DNAH9: variants seen among roughly 807,000 people sequenced by gnomAD.
DNAH9 encodes DNAH9 variant protein.
A neutral mutation model predicts 471.6 loss-of-function variants in DNAH9; 345 were observed. That is an observed-to-expected ratio of 0.73 (90% CI 0.67 to 0.80). The LOEUF is 0.80. Among genes scored for constraint, DNAH9 ranks in the 30% least tolerant of loss-of-function variants. The pLI is 0.00. For missense variants in DNAH9, 5,407 were observed against 5,609.2 expected (o/e 0.96, Z 1.15); for synonymous variants, 2,093 against 2,123.6 (o/e 0.99, Z 0.40).
At position 11,832,870 on chromosome 17, in the gene DNAH9, G is replaced by A. The variant is rs191897387; in HGVS notation, c.9247-1768G>A. 3.9e-5 allele frequency among the ~76,000 whole-genome samples: 6 copies of A among 152,266 alleles called. No individual in the cohort carries two copies. The East Asian group carries it at 1.2e-3, about 29-fold the overall frequency. On this transcript the variant is annotated intron_variant, in intron 48 of 68. Coordinates refer to ENST00000262442, the MANE Select transcript of DNAH9 (RefSeq NM_001372.4). The stretch of plus-strand genomic sequence containing the variant: ...ATGGGCCGTATTGCAAATACAAATA[G>A]CTTCTTTACTTTCTAGAAATAAATA...
At chr17:11,744,361 C>A (rs780570819) in intron 30 of DNAH9, among the ~76,000 whole-genome samples, 1 of 152,134 alleles carries the variant, frequency 6.6e-6, no homozygotes, top group Non-Finnish European at 1.5e-5. Flanking sequence ...TTTGACAGAA[C>A]CCACTTTAAG....
intron 60 of DNAH9, among the ~76,000 whole-genome samples, chr17:11,905,349 C>T (rs1005521367): frequency 6.6e-6 from 1 of 152,118 alleles, no homozygotes; most frequent in African/African-American, 2.4e-5. Context: ...TCTGAAGGTA[C>T]TGGCGCTAAC....
intron 40 of DNAH9, 63 bp downstream of exon 40, chr17:11,783,811 TTATAAG>T (rs1050976103): frequency 8.1e-5 from 111 of 1,370,036 alleles, no homozygotes; most frequent in Non-Finnish European, 1.1e-4. Flanking sequence ...TGCCCCTTGA[TTATAAG>T]TATAATAATT....
intron 68 of DNAH9, among the ~76,000 whole-genome samples, chr17:11,965,442 CTT>C (rs1178111405): frequency 6.6e-6 from 1 of 152,210 alleles, no homozygotes; most frequent in African/African-American, 2.4e-5. Flanking sequence ...AGAATATAGA[CTT>C]TACAGAATCA....
chr17:11,654,696 A>C (rs1174711571), intron 14 of DNAH9, among the ~76,000 whole-genome samples: 2 of 152,196 alleles, frequency 1.3e-5, no homozygotes, highest in Non-Finnish European at 2.9e-5. Context: ...GTTGATATTT[A>C]TCTAGTATCT....
intron 58 of DNAH9, among the ~76,000 whole-genome samples, chr17:11,893,859 C>T (rs1271448996): frequency 6.6e-6 from 1 of 152,090 alleles, no homozygotes; most frequent in African/African-American, 2.4e-5. Context: ...GCACATGTAT[C>T]CCAGAACTTA....
At chr17:11,943,095 C>A (rs935117177) in intron 67 of DNAH9, among the ~76,000 whole-genome samples, 1 of 151,624 alleles carries the variant, frequency 6.6e-6, no homozygotes, top group Non-Finnish European at 1.5e-5. Flanking sequence ...GGGGTTTCAC[C>A]GTGTTAGCCA....
Position 11,937,387 on chromosome 17 carries a change from C to T in DNAH9, c.12525C>T (p.Tyr4175=). Residue 4175 remains tyrosine (Y), a synonymous_variant, in exon 66 of 69, where the codon TAC becomes TAT. Coordinates refer to ENST00000262442, the MANE Select transcript of DNAH9 (RefSeq NM_001372.4). The surrounding 1 kb of genome is among the most constrained non-coding windows in gnomAD (Gnocchi z 4.1). ...IDAELPPESP[Y]LYGLHPNAEI... ...CTGAGCTGCCCCCAGAATCCCCCTA[C>T]CTCTATGGCCTCCACCCGAACGCAG... The T allele has an allele frequency of 6.2e-7, 1 of 1,613,880 alleles. No homozygotes were observed. The highest frequency in any genetic ancestry group is 2.2e-5 in the East Asian group (1 of 44,872).
chr17:11,760,166 T>C (rs1967602730), intron 35 of DNAH9, among the ~76,000 whole-genome samples: 1 of 152,230 alleles, frequency 6.6e-6, no homozygotes, highest in Non-Finnish European at 1.5e-5. Context: ...AAACTCAGGT[T>C]GATTCCATGA....
In DNAH9 at chr17:11,719,329, G is replaced by A; in HGVS notation, c.5553-5G>A. Reference sequence around the variant, plus strand: ...TGATGACCTATGCCCTCCCGTGTTTGGCAGGTGCTACATCACCCTCACCCA... The same window carrying A: ...TGATGACCTATGCCCTCCCGTGTTTAGCAGGTGCTACATCACCCTCACCCA... On this transcript the variant is annotated splice_polypyrimidine_tract_variant and splice_region_variant and intron_variant, in intron 26 of 68. Coordinates refer to ENST00000262442, the MANE Select transcript of DNAH9 (RefSeq NM_001372.4). 1 of 1,613,550 alleles carries A rather than the reference G, an allele frequency of 6.2e-7. No individual in the cohort carries two copies. Among genetic ancestry groups the A allele is most frequent in the East Asian group, 2.2e-5 (1 of 44,850 alleles).
chr17:11,603,730 G>A (rs1041896007), intron 1 of DNAH9, among the ~76,000 whole-genome samples: 2 of 152,044 alleles, frequency 1.3e-5, no homozygotes, highest in African/African-American at 2.4e-5. Context: ...TCTCCTCTTG[G>A]TGTCTCATTA....
chr17:11,923,301 TC>T (rs1169998003), intron 61 of DNAH9, among the ~76,000 whole-genome samples: 4 of 152,090 alleles, frequency 2.6e-5, no homozygotes, highest in African/African-American at 9.6e-5. Flanking sequence ...GGTCTTGAAC[TC>T]CTGACCTCAG....
chr17:11,634,529 G>T (rs1035362949), intron 8 of DNAH9, among the ~76,000 whole-genome samples: 1 of 152,136 alleles, frequency 6.6e-6, no homozygotes, highest in Non-Finnish European at 1.5e-5. Context: ...GCACACACCT[G>T]TACTTCCTCA....
At chr17:11,701,398 G>T in intron 24 of DNAH9, 151 bp downstream of exon 24, 2 of 797,862 alleles carry the variant, frequency 2.5e-6, no homozygotes, top group Non-Finnish European at 4.0e-6. Flanking sequence ...GGGGTCAGCA[G>T]GTGGGAGCAG....
chr17:11,944,322 G>C (rs2151434953), intron 67 of DNAH9, among the ~76,000 whole-genome samples: 1 of 152,298 alleles, frequency 6.6e-6, no homozygotes, highest in Middle Eastern at 3.4e-3. Context: ...GCCACATAGA[G>C]AGACGCGGGA....
intron 3 of DNAH9, 137 bp downstream of exon 3, chr17:11,610,691 C>T (rs1438210541): frequency 4.0e-6 from 3 of 742,754 alleles, no homozygotes; most frequent in Admixed American, 3.0e-5. Flanking sequence ...GGGTAGACAG[C>T]TCTGTGTCAT....
chr17:11,690,487 G>T, intron 20 of DNAH9, 51 bp downstream of exon 20: 1 of 1,534,682 alleles, frequency 6.5e-7, no homozygotes, highest in South Asian at 1.2e-5. Context: ...CCAGGGTGAA[G>T]GGAAGGTCAC....
intron 57 of DNAH9, among the ~76,000 whole-genome samples, chr17:11,888,235 C>T (rs1017898500): frequency 5.9e-5 from 9 of 152,088 alleles, no homozygotes; most frequent in South Asian, 2.1e-4. Context: ...CCGCCCGCCT[C>T]GGCCTCCAAA....
intron 2 of DNAH9, among the ~76,000 whole-genome samples, chr17:11,608,779 C>T (rs1162500026): frequency 6.6e-6 from 1 of 152,172 alleles, no homozygotes; most frequent in Non-Finnish European, 1.5e-5. Context: ...CAGCTGAAGA[C>T]TTTTTACAGG....
Sources: gnomAD v4.1 joint callset for allele counts (sites outside exome capture counted in the v4.1 genomes callset) on GRCh38, gnomAD v4.1.1 for gene constraint, Gnocchi (gnomAD v3.1) non-coding constraint, MANE v1.5 for transcripts, NCBI Gene and HGNC (gene_info 2026-07-23, HGNC 2026-07-21) for gene names.